STXBP5L: variants seen among roughly 807,000 people sequenced by gnomAD.
STXBP5L encodes syntaxin binding protein 5L.
Under a neutral mutation model 144.5 loss-of-function variants are expected in STXBP5L, and 65 were observed. That is an observed-to-expected ratio of 0.45 (90% CI 0.37 to 0.55). The LOEUF is 0.55. Among genes scored for constraint, STXBP5L ranks in the 20% least tolerant of loss-of-function variants. The pLI, the probability that STXBP5L is intolerant of heterozygous loss-of-function variation, is 0.00. For synonymous variants in STXBP5L, 505 were observed against 469.6 expected (o/e 1.08, Z -0.97); for missense variants, 1,298 against 1,405.5 (o/e 0.92, Z 1.22).
At chr3:121,046,343 G>T (rs892647403) in intron 5 of STXBP5L, among the ~76,000 whole-genome samples, 1 of 151,952 alleles carries the variant, frequency 6.6e-6, no homozygotes, top group Admixed American at 6.6e-5. Context: ...ATTTCTGCCA[G>T]GTTTTGGTAT....
chr3:120,933,975 CA>C (rs1359960672), intron 2 of STXBP5L, among the ~76,000 whole-genome samples: 1 of 151,756 alleles, frequency 6.6e-6, no homozygotes, highest in Admixed American at 6.6e-5. Flanking sequence ...ATGAAACCAC[CA>C]ATCATTTTCT....
chr3:121,041,647 A>C, intron 3 of STXBP5L, 53 bp from the exon 4 acceptor site: 1 of 1,319,114 alleles, frequency 7.6e-7, no homozygotes, highest in Non-Finnish European at 1.1e-6. Context: ...TTCTTTGCTC[A>C]TTAATATTGG....
chr3:121,038,690 C>A (rs1439443000), intron 3 of STXBP5L, among the ~76,000 whole-genome samples: 1 of 151,782 alleles, frequency 6.6e-6, no homozygotes, highest in Non-Finnish European at 1.5e-5. Context: ...GAAAGGGGTG[C>A]TAAAAACTCG....
At chr3:121,133,492 G>GA (rs970467521) in intron 7 of STXBP5L, among the ~76,000 whole-genome samples, 11 of 151,520 alleles carry the variant, frequency 7.3e-5, no homozygotes, top group African/African-American at 9.7e-5. Context: ...CATCCTAAAA[G>GA]AAAAAAAATA....
chr3:121,286,665 G>T (rs1225917975), intron 19 of STXBP5L, among the ~76,000 whole-genome samples: 1 of 152,106 alleles, frequency 6.6e-6, no homozygotes, highest in African/African-American at 2.4e-5. Context: ...GTGAAGTTTT[G>T]CAAGATAAAT....
At chr3:121,057,228 A>T (rs1277662121) in intron 5 of STXBP5L, among the ~76,000 whole-genome samples, 1 of 151,986 alleles carries the variant, frequency 6.6e-6, no homozygotes, top group Non-Finnish European at 1.5e-5. Flanking sequence ...GTCAAAAAAC[A>T]GGCAAAATTA....
At chr3:121,084,538 C>T (rs971706931) in intron 5 of STXBP5L, among the ~76,000 whole-genome samples, 12 of 152,280 alleles carry the variant, frequency 7.9e-5, no homozygotes, top group African/African-American at 2.4e-4. Context: ...GACGTGATCT[C>T]ATTCCTTTTT....
chr3:121,063,346 GCTGC>G (rs2041377911), intron 5 of STXBP5L, among the ~76,000 whole-genome samples: 1 of 152,190 alleles, frequency 6.6e-6, no homozygotes, highest in South Asian at 2.1e-4. Context: ...AGCAAAGATT[GCTGC>G]CTGTTTCTTT....
intron 2 of STXBP5L, among the ~76,000 whole-genome samples, chr3:120,953,127 G>A (rs1003778758): frequency 5.9e-5 from 9 of 151,802 alleles, no homozygotes; most frequent in Non-Finnish European, 1.0e-4. Context: ...CTAAGCAATT[G>A]TCAGGCATTG....
chr3:120,933,550 T>G (rs1402591460), intron 2 of STXBP5L, among the ~76,000 whole-genome samples: 3 of 152,150 alleles, frequency 2.0e-5, no homozygotes, highest in Non-Finnish European at 4.4e-5. Flanking sequence ...GTATTAATAT[T>G]TGGTAATAAG....
intron 10 of STXBP5L, among the ~76,000 whole-genome samples, chr3:121,212,401 G>C (rs2048610716): frequency 6.6e-6 from 1 of 152,162 alleles, no homozygotes. Flanking sequence ...TAAGGTATAA[G>C]GAAGGGGTCC....
chr3:121,205,530 C>G (rs573738272), intron 9 of STXBP5L, among the ~76,000 whole-genome samples: 2 of 152,316 alleles, frequency 1.3e-5, no homozygotes, highest in South Asian at 4.1e-4. Flanking sequence ...TTGGGGGACA[C>G]ATTCAAACCA....
intron 3 of STXBP5L, among the ~76,000 whole-genome samples, chr3:121,028,846 C>T (rs9860106): frequency 0.099 from 15,076 of 152,030 alleles, 1,175 homozygotes; most frequent in Admixed American, 0.2. Context: ...CAACAACTGC[C>T]ATATAAGTTG....
intron 5 of STXBP5L, among the ~76,000 whole-genome samples, chr3:121,096,346 C>G (rs953334683): frequency 2.0e-5 from 3 of 152,180 alleles, no homozygotes; most frequent in Non-Finnish European, 4.4e-5. Context: ...CTTTCTGAAG[C>G]CTACTTTTGT....
At chr3:121,129,907 G>C (rs954761232) in intron 7 of STXBP5L, among the ~76,000 whole-genome samples, 3 of 151,930 alleles carry the variant, frequency 2.0e-5, no homozygotes, top group African/African-American at 7.2e-5. Context: ...AGGGTCTTAG[G>C]GTCTGGGGCA....
chr3:121,041,774 T>C lies in STXBP5L; in HGVS notation c.362T>C (p.Ile121Thr). 2 of 1,611,826 alleles carry C rather than the reference T, an allele frequency of 1.2e-6. No homozygotes were observed. Among genetic ancestry groups the C allele is most frequent in the Non-Finnish European group, 1.7e-6 (2 of 1,178,420 alleles). ...GAAVLQLQFL[I>T]NEGALVSASS... ...GCTGTCCTACAGCTCCAATTTTTGA[T>C]CAATGAGGTAAGGATTATTTTTTGA... The change falls in exon 4 of 27, where the codon ATC becomes ACC. Residue 121 changes from isoleucine to threonine, a missense_variant. Physicochemically the swap from Ile to Thr is moderately conservative, Grantham distance 89 (BLOSUM62 -1). Coordinates refer to ENST00000471454, the MANE Select transcript of STXBP5L (RefSeq NM_001308330.2).
At chr3:121,344,842 G>T (rs2044888259) in intron 20 of STXBP5L, among the ~76,000 whole-genome samples, 2 of 150,942 alleles carry the variant, frequency 1.3e-5, no homozygotes, top group South Asian at 4.2e-4. Flanking sequence ...AAAAAGTAAT[G>T]AATTAAGAAT....
chr3:121,176,688 A>G (rs976993167), intron 9 of STXBP5L, among the ~76,000 whole-genome samples: 1 of 151,884 alleles, frequency 6.6e-6, no homozygotes, highest in Non-Finnish European at 1.5e-5. Context: ...AGACAAAATC[A>G]TCTCAAAAAT....
At chr3:121,371,540 G>A (rs1360515080) in intron 20 of STXBP5L, among the ~76,000 whole-genome samples, 2 of 151,928 alleles carry the variant, frequency 1.3e-5, no homozygotes, top group African/African-American at 2.4e-5. Context: ...ACTCTCATTG[G>A]CTGCAGCAGG....
Sources: allele counts gnomAD v4.1 joint callset (sites outside exome capture counted in the v4.1 genomes callset), GRCh38; gene constraint gnomAD v4.1.1; transcripts MANE v1.5; gene names NCBI Gene and HGNC (gene_info 2026-07-23, HGNC 2026-07-21).